The following FGF14 variants were observed in gnomAD, a reference collection of about 807,000 sequenced individuals.
FGF14 encodes the protein fibroblast growth factor 14.
Under a neutral mutation model 25.5 loss-of-function variants are expected in FGF14, and 5 were observed. The observed-to-expected ratio is 0.20, with a 90% CI of 0.10 to 0.41. The LOEUF (loss-of-function observed/expected upper bound fraction) is 0.41. Ranked by LOEUF, FGF14 falls within the 10% of genes least tolerant of loss-of-function variation. The pLI is 1.00. For missense variants in FGF14, 222 were observed against 320.1 expected (o/e 0.69, Z 2.34); for synonymous variants, 138 against 118.3 (o/e 1.17, Z -1.08).
chr13:101,976,957 A>G (rs1475343642), intron 1 of FGF14, among the ~76,000 whole-genome samples: 1 of 152,200 alleles, frequency 6.6e-6, no homozygotes, highest in Admixed American at 6.6e-5. Context: ...ATAGCTTGTG[A>G]ACCTTGGATA....
At chr13:101,764,010 GAAGT>G in intron 3 of FGF14, among the ~76,000 whole-genome samples, 1 of 152,212 alleles carries the variant, frequency 6.6e-6, no homozygotes, top group South Asian at 2.1e-4. Flanking sequence ...GTGTGAATTT[GAAGT>G]AAGAAAGTTA....
chr13:101,752,539 T>A (rs1594125870), intron 3 of FGF14, among the ~76,000 whole-genome samples: 1 of 152,336 alleles, frequency 6.6e-6, no homozygotes, highest in South Asian at 2.1e-4. Flanking sequence ...AGTCAGTCTC[T>A]GTATCATTTC....
chr13:102,224,152 A>G (rs1002526259), intron 1 of FGF14, among the ~76,000 whole-genome samples: 2 of 152,166 alleles, frequency 1.3e-5, no homozygotes, highest in Non-Finnish European at 2.9e-5. Flanking sequence ...TATCATTATT[A>G]ATAGTAAAAA....
At chr13:101,914,922 A>G (rs1464663493) in intron 1 of FGF14, among the ~76,000 whole-genome samples, 2 of 152,226 alleles carry the variant, frequency 1.3e-5, no homozygotes, top group African/African-American at 2.4e-5. Context: ...TCCTCCGTCT[A>G]TCAACGGTGA....
intron 3 of FGF14, among the ~76,000 whole-genome samples, chr13:101,844,739 C>T (rs1178587415): frequency 6.6e-6 from 1 of 151,956 alleles, no homozygotes; most frequent in Non-Finnish European, 1.5e-5. Flanking sequence ...CTCCCTATAT[C>T]ACATACAGCT....
intron 1 of FGF14, among the ~76,000 whole-genome samples, chr13:102,204,319 A>G (rs1252591864): frequency 6.6e-6 from 1 of 152,002 alleles, no homozygotes; most frequent in African/African-American, 2.4e-5. Context: ...ACACACACAC[A>G]CTCATACTCC....
At chr13:101,751,238 T>C (rs2037253690) in intron 3 of FGF14, among the ~76,000 whole-genome samples, 2 of 152,122 alleles carry the variant, frequency 1.3e-5, no homozygotes, top group South Asian at 4.1e-4. Flanking sequence ...TCGTTCATTA[T>C]AAAATTTGTA....
intron 1 of FGF14, among the ~76,000 whole-genome samples, chr13:102,197,980 C>T (rs947392749): frequency 3.3e-5 from 5 of 152,160 alleles, no homozygotes; most frequent in African/African-American, 1.2e-4. Flanking sequence ...GAAATCATGG[C>T]GAAGCAACAC....
intron 1 of FGF14, among the ~76,000 whole-genome samples, chr13:102,236,920 A>C (rs1430999158): frequency 6.6e-6 from 1 of 152,110 alleles, no homozygotes; most frequent in Non-Finnish European, 1.5e-5. Flanking sequence ...AGGGCCTCCC[A>C]GCAGGAGGGG....
chr13:102,148,084 A>G (rs960795078), intron 1 of FGF14, among the ~76,000 whole-genome samples: 9 of 152,202 alleles, frequency 5.9e-5, no homozygotes, highest in African/African-American at 2.2e-4. Context: ...CTCCAAGGCT[A>G]TAAGAGATAA....
intron 1 of FGF14, among the ~76,000 whole-genome samples, chr13:102,234,890 G>A (rs1353553673): frequency 6.6e-6 from 1 of 152,164 alleles, no homozygotes; most frequent in African/African-American, 2.4e-5. Context: ...CTGTATGGAT[G>A]AGTGATACTT....
At position 102,070,958 on chromosome 13, in the gene FGF14, C is replaced by CA. The variant is rs924284735; in HGVS notation, c.209-195663dup. ...TGCTAGAAAACAAAACAAAACAAAACACACACACACACACACACACACATA... is the reference window on the plus strand; with the variant it reads ...TGCTAGAAAACAAAACAAAACAAAACAACACACACACACACACACACACATA... On this transcript the variant is annotated intron_variant, in intron 1 of 4. Transcript: ENST00000376131. Among the ~76,000 whole-genome samples, 10 of 35,766 alleles carry CA rather than the reference C, an allele frequency of 2.8e-4. No homozygotes were observed. The African/African-American group carries it at 8.1e-3, about 29-fold the overall frequency. The allele number at this position is 35,766 out of a possible 152,430, so 23.5% of individuals were successfully genotyped here.
intron 1 of FGF14, among the ~76,000 whole-genome samples, chr13:102,027,687 A>G (rs1241356804): frequency 6.6e-6 from 1 of 151,992 alleles, no homozygotes; most frequent in African/African-American, 2.4e-5. Flanking sequence ...ACTCGGTATA[A>G]TCTTGTTTGC....
At chr13:101,861,667 T>C (rs1352919912) in intron 3 of FGF14, among the ~76,000 whole-genome samples, 1 of 151,830 alleles carries the variant, frequency 6.6e-6, no homozygotes, top group Admixed American at 6.6e-5. Context: ...AGTAGTGGAG[T>C]GCATGCCTCA....
intron 1 of FGF14, among the ~76,000 whole-genome samples, chr13:101,909,719 T>C (rs997441006): frequency 1.3e-5 from 2 of 152,196 alleles, no homozygotes; most frequent in Non-Finnish European, 2.9e-5. Flanking sequence ...AAATACCATT[T>C]GACCCAGCCA....
At chr13:101,767,307 G>A (rs1173920391) in intron 3 of FGF14, among the ~76,000 whole-genome samples, 1 of 152,152 alleles carries the variant, frequency 6.6e-6, no homozygotes, top group Non-Finnish European at 1.5e-5. Flanking sequence ...TGATGCCAGA[G>A]TGCCAGCCTC....
intron 1 of FGF14, among the ~76,000 whole-genome samples, chr13:101,969,297 C>G (rs1037802581): frequency 6.6e-6 from 1 of 152,210 alleles, no homozygotes; most frequent in Non-Finnish European, 1.5e-5. Flanking sequence ...GGTGCAGTGG[C>G]TCACGCCTGT....
At chr13:101,776,688 A>G (rs1022506196) in intron 3 of FGF14, among the ~76,000 whole-genome samples, 2 of 152,188 alleles carry the variant, frequency 1.3e-5, no homozygotes, top group African/African-American at 4.8e-5. Flanking sequence ...CGCATGAAGC[A>G]TGTTCTATAG....
intron 3 of FGF14, among the ~76,000 whole-genome samples, chr13:101,867,695 A>G (rs1431355592): frequency 6.6e-6 from 1 of 152,126 alleles, no homozygotes; most frequent in East Asian, 1.9e-4. Context: ...CACAATTTGC[A>G]TAATGTGGGA....
Sources: gnomAD v4.1 joint callset for allele counts (sites outside exome capture counted in the v4.1 genomes callset) on GRCh38, gnomAD v4.1.1 for gene constraint, MANE v1.5 for transcripts, NCBI Gene and HGNC (gene_info 2026-07-23, HGNC 2026-07-21) for gene names.